The following ZC3H12B variants were observed in gnomAD, a reference collection of about 807,000 sequenced individuals.
ZC3H12B encodes zinc finger CCCH-type containing 12B, also known as probable ribonuclease ZC3H12B.
ZC3H12B carries 7 observed loss-of-function variants against 43.9 expected under a neutral mutation model. That is an observed-to-expected ratio of 0.16 (90% confidence interval 0.09 to 0.30). ZC3H12B has a LOEUF of 0.30. Ranked by LOEUF, ZC3H12B falls within the 10% of genes least tolerant of loss-of-function variation. The pLI is 1.00. For synonymous variants in ZC3H12B, 222 were observed against 241.7 expected (o/e 0.92, Z 0.76); for missense variants, 475 against 670.2 (o/e 0.71, Z 3.22).
the ZC3H12B span, among the ~76,000 whole-genome samples, chrX:65,252,715 T>C: frequency 4.5e-5 from 5 of 111,932 alleles, no homozygotes; most frequent in African/African-American, 1.6e-4. Flanking sequence ...CTAATACAGA[T>C]CTTTTTGGTC....
intron 2 of ZC3H12B, among the ~76,000 whole-genome samples, chrX:65,372,421 A>G (rs537810591): frequency 9.2e-6 from 1 of 109,211 alleles, no homozygotes; most frequent in Non-Finnish European, 1.9e-5. Flanking sequence ...TTTCAGCCTG[A>G]TTGCGGACAT....
the ZC3H12B span, among the ~76,000 whole-genome samples, chrX:65,059,858 G>A: frequency 9.0e-6 from 1 of 111,489 alleles, no homozygotes. Flanking sequence ...TATAAGTATG[G>A]AATATTTTTC....
the ZC3H12B span, among the ~76,000 whole-genome samples, chrX:65,224,168 G>C: frequency 1.2e-4 from 14 of 112,581 alleles, no homozygotes; most frequent in African/African-American, 3.9e-4. Flanking sequence ...GGATGGAATT[G>C]CAGATTATTA....
chrX:65,191,929 T>C, the ZC3H12B span, among the ~76,000 whole-genome samples: 2 of 104,604 alleles, frequency 1.9e-5, no homozygotes, highest in African/African-American at 3.5e-5. Flanking sequence ...CTTTCTCTTG[T>C]GGGCATTTAG....
At chrX:65,224,940 G>A in the ZC3H12B span, among the ~76,000 whole-genome samples, 670 of 112,075 alleles carry the variant, frequency 6.0e-3, 4 homozygotes, top group Non-Finnish European at 0.01. Flanking sequence ...TCCAACTCTG[G>A]GGGAGGGCAC....
At chrX:65,220,320 A>G in the ZC3H12B span, among the ~76,000 whole-genome samples, 2 of 111,896 alleles carry the variant, frequency 1.8e-5, no homozygotes, top group Admixed American at 1.9e-4. Context: ...CTGAGACAGC[A>G]AATAGCATAA....
chrX:65,367,072 G>A (rs1198732574), intron 1 of ZC3H12B, among the ~76,000 whole-genome samples: 1 of 112,223 alleles, frequency 8.9e-6, no homozygotes, highest in African/African-American at 3.2e-5. Context: ...GCTCAGTATA[G>A]CAGAATGAAA....
rs149424680 is a variant in ZC3H12B, at chrX:65,380,000, C to T, written n.295+11002C>T. On this transcript the variant is annotated intron_variant and non_coding_transcript_variant, in intron 2 of 5. Coordinates refer to the ZC3H12B transcript ENST00000617377. ...GTCTGATTGGTGTACCTGAAAGTCA[C>T]GGGGAGAATGGAACCAAGTTGGAAA... is the stretch of plus-strand genomic sequence containing the variant. Among the ~76,000 whole-genome samples, 773 of 112,011 alleles carry T rather than the reference C, an allele frequency of 6.9e-3. 9 individuals carry two copies. Among genetic ancestry groups the T allele is most frequent in the African/African-American group, 0.024 (725 of 30,805 alleles).
At chrX:65,164,054 A>G in the ZC3H12B span, among the ~76,000 whole-genome samples, 8 of 112,089 alleles carry the variant, frequency 7.1e-5, no homozygotes, top group South Asian at 3.0e-3. Context: ...AAAAATCAAT[A>G]CACTGAAAAC....
the ZC3H12B span, among the ~76,000 whole-genome samples, chrX:65,064,296 TA>T: frequency 2.7e-5 from 3 of 112,141 alleles, no homozygotes; most frequent in African/African-American, 9.7e-5. Context: ...TTTAATGCTA[TA>T]AGTTTCCCTC....
At chrX:65,438,361 C>G (rs1449538629) in intron 3 of ZC3H12B, among the ~76,000 whole-genome samples, 1 of 111,935 alleles carries the variant, frequency 8.9e-6, no homozygotes, top group African/African-American at 3.2e-5. Context: ...TATGGAATAT[C>G]TTTCCTTTTT....
the ZC3H12B span, among the ~76,000 whole-genome samples, chrX:65,232,838 G>A: frequency 1.8e-5 from 2 of 111,297 alleles, no homozygotes; most frequent in African/African-American, 6.5e-5. Context: ...ACTATATGCT[G>A]TCTAGAAGAA....
chrX:65,216,402 G>C, the ZC3H12B span, among the ~76,000 whole-genome samples: 2 of 111,269 alleles, frequency 1.8e-5, no homozygotes, highest in Non-Finnish European at 3.8e-5. Flanking sequence ...AACTTTGCTG[G>C]TGTCCATGGA....
chrX:65,295,799 C>A, the ZC3H12B span, among the ~76,000 whole-genome samples: 2 of 111,023 alleles, frequency 1.8e-5, no homozygotes, highest in African/African-American at 6.5e-5. Context: ...AAACTAGAAA[C>A]CTTGCAGAGA....
chrX:65,087,185 G>A, the ZC3H12B span, among the ~76,000 whole-genome samples: 2 of 110,612 alleles, frequency 1.8e-5, no homozygotes, highest in African/African-American at 6.6e-5. Flanking sequence ...TTGGGCTCTG[G>A]CATACCAGGA....
chrX:65,313,714 T>A, the ZC3H12B span, among the ~76,000 whole-genome samples: 1 of 112,215 alleles, frequency 8.9e-6, no homozygotes, highest in South Asian at 3.6e-4. Flanking sequence ...TTTTCCGAAT[T>A]TTAATACCAT....
the ZC3H12B span, among the ~76,000 whole-genome samples, chrX:65,324,596 G>C: frequency 9.0e-6 from 1 of 110,740 alleles, no homozygotes; most frequent in Non-Finnish European, 1.9e-5. Context: ...CCATGTATTT[G>C]TGAATTTTTA....
chrX:65,091,884 G>A, the ZC3H12B span, among the ~76,000 whole-genome samples: 1 of 112,281 alleles, frequency 8.9e-6, no homozygotes. Context: ...AAAACAGGGT[G>A]ATATGGTTTG....
chrX:65,462,274 G>T (rs942303805), intron 3 of ZC3H12B, among the ~76,000 whole-genome samples: 4 of 111,144 alleles, frequency 3.6e-5, no homozygotes, highest in African/African-American at 1.3e-4. Context: ...ACTTTGGGAG[G>T]CCAGGGCGGG....
Sources: gnomAD v4.1 joint callset for allele counts (sites outside exome capture counted in the v4.1 genomes callset) on GRCh38, gnomAD v4.1.1 for gene constraint, MANE v1.5 for transcripts, NCBI Gene and HGNC (gene_info 2026-07-23, HGNC 2026-07-21) for gene names.